The following REEP1 variants were observed in gnomAD, a reference collection of about 807,000 sequenced individuals.
REEP1 encodes receptor expression-enhancing protein 1.
A neutral mutation model predicts 40.3 loss-of-function variants in REEP1; 22 were observed. That is an observed-to-expected ratio of 0.55 (90% CI 0.39 to 0.78). The LOEUF (loss-of-function observed/expected upper bound fraction) is 0.78. Among genes scored for constraint, REEP1 ranks in the 30% least tolerant of loss-of-function variants. REEP1 has a pLI of 0.00. For synonymous variants in REEP1, 116 were observed against 139.2 expected, an observed-to-expected ratio of 0.83 and a Z score of 1.17; for missense variants, 280 against 361.1, an observed-to-expected ratio of 0.78 and a Z score of 1.82.
chr2:86,330,507 T>C (rs767278920), intron 1 of REEP1, among the ~76,000 whole-genome samples: 1 of 150,526 alleles, frequency 6.6e-6, no homozygotes, highest in Non-Finnish European at 1.5e-5. Flanking sequence ...TGCAGTGGCA[T>C]GATCTCGGCT....
intron 5 of REEP1, among the ~76,000 whole-genome samples, chr2:86,242,705 G>A (rs1675727876): frequency 1.3e-5 from 2 of 152,198 alleles, no homozygotes; most frequent in Non-Finnish European, 2.9e-5. Flanking sequence ...AGAGAGGTAA[G>A]GAGAGACAAG....
intron 1 of REEP1, among the ~76,000 whole-genome samples, chr2:86,308,203 A>G (rs913821410): frequency 6.6e-6 from 1 of 152,240 alleles, no homozygotes; most frequent in African/African-American, 2.4e-5. Flanking sequence ...TAGATGCAAG[A>G]TCCAAAGGCA....
chr2:86,243,758 G>A (rs1318058481), intron 5 of REEP1, among the ~76,000 whole-genome samples: 5 of 152,122 alleles, frequency 3.3e-5, no homozygotes, highest in South Asian at 2.1e-4. Context: ...AGATAATCTT[G>A]GTGTTTAAAA....
chr2:86,278,429 A>G (rs147268995), intron 2 of REEP1, among the ~76,000 whole-genome samples: 1 of 152,192 alleles, frequency 6.6e-6, no homozygotes, highest in African/African-American at 2.4e-5. Flanking sequence ...CTGGGCCTGG[A>G]GCTGGACTCA....
chr2:86,263,988 T>C lies in REEP1; in HGVS notation c.159A>G (p.Thr53=), dbSNP rs1468108211. 6.2e-7 allele frequency: 1 copy of C among 1,613,534 alleles called. No individual in the cohort carries two copies. The highest frequency in any genetic ancestry group is 1.1e-5 in the South Asian group (1 of 91,050). The part of the protein sequence containing the change: ...IIFALFTTAE[T]FTDIFLCWFP... ...ACCAACAAAGGAAGATGTCTGTGAATGTCTCTGCTGTGGTGAAAAGTGCAA... is the reference window on the plus strand; with the variant it reads ...ACCAACAAAGGAAGATGTCTGTGAACGTCTCTGCTGTGGTGAAAAGTGCAA... Residue 53 remains threonine, a synonymous_variant, in exon 3 of 9, where the codon ACA becomes ACG. Coordinates refer to ENST00000538924, the MANE Select transcript of REEP1 (RefSeq NM_001371279.1).
intron 5 of REEP1, among the ~76,000 whole-genome samples, chr2:86,238,327 T>C (rs1465889297): frequency 6.6e-6 from 1 of 152,258 alleles, no homozygotes; most frequent in Non-Finnish European, 1.5e-5. Context: ...CAATGAAATA[T>C]GGTTGCACTT....
At chr2:86,280,022 T>C in intron 2 of REEP1, 1 of 456,230 alleles carries the variant, frequency 2.2e-6, no homozygotes, top group Non-Finnish European at 4.4e-6. Context: ...ACGACAGACC[T>C]GGTTTGGAAG....
At chr2:86,261,991 T>C (rs1348221751) in intron 3 of REEP1, among the ~76,000 whole-genome samples, 6 of 152,212 alleles carry the variant, frequency 3.9e-5, no homozygotes, top group Admixed American at 6.5e-5. Flanking sequence ...TTGTCTATGA[T>C]GCAAAGACCT....
chr2:86,239,437 A>T (rs1675550484), intron 5 of REEP1, among the ~76,000 whole-genome samples: 2 of 152,144 alleles, frequency 1.3e-5, no homozygotes, highest in African/African-American at 4.8e-5. Context: ...GCTACTGAGG[A>T]CAACAACAAT....
chr2:86,256,619 G>T (rs1558893231), intron 3 of REEP1, among the ~76,000 whole-genome samples: 1 of 152,048 alleles, frequency 6.6e-6, no homozygotes, highest in Non-Finnish European at 1.5e-5. Context: ...CATGTTAAAG[G>T]CCCTCACCCC....
chr2:86,287,205 G>T (rs968733905), intron 1 of REEP1, among the ~76,000 whole-genome samples: 2 of 151,892 alleles, frequency 1.3e-5, no homozygotes, highest in African/African-American at 4.8e-5. Flanking sequence ...TCTCCTGCTC[G>T]GCCTCCTGAG....
At chr2:86,218,113 A>G (rs1025433208) in intron 8 of REEP1, among the ~76,000 whole-genome samples, 1 of 151,998 alleles carries the variant, frequency 6.6e-6, no homozygotes, top group Non-Finnish European at 1.5e-5. Context: ...TCTGTCTTGC[A>G]TATTTCTAGG....
chr2:86,311,331 AGGTAGT>A (rs889369875), intron 1 of REEP1, among the ~76,000 whole-genome samples: 1 of 152,194 alleles, frequency 6.6e-6, no homozygotes, highest in Non-Finnish European at 1.5e-5. Context: ...GGGTTTTTAA[AGGTAGT>A]GGACACTGCA....
At chr2:86,306,792 C>A (rs1679499133) in intron 1 of REEP1, among the ~76,000 whole-genome samples, 1 of 152,090 alleles carries the variant, frequency 6.6e-6, no homozygotes, top group Non-Finnish European at 1.5e-5. Context: ...CACTGCTGGT[C>A]CCCATGGTAG....
At chr2:86,254,965 G>A in intron 3 of REEP1, 151 bp from the exon 4 acceptor site, 1 of 767,390 alleles carries the variant, frequency 1.3e-6, no homozygotes, top group East Asian at 2.5e-5. Context: ...CTATGAAGGT[G>A]AGGGCACACA....
intron 5 of REEP1, chr2:86,251,682 G>A (rs983845610): frequency 3.2e-5 from 16 of 499,808 alleles, no homozygotes; most frequent in Admixed American, 2.3e-4. Flanking sequence ...AGTGGGGTTG[G>A]ATAAGTTAGA....
chr2:86,227,351 C>T lies in REEP1; in HGVS notation c.631+12G>A, dbSNP rs1264732810. The T allele has an allele frequency of 1.6e-6, 2 of 1,232,178 alleles. No homozygotes were observed. The highest frequency in any genetic ancestry group is 2.0e-6 in the Non-Finnish European group (2 of 988,096). The allele number at this position is 1,232,178 out of a possible 1,614,324, so 76.3% of individuals were successfully genotyped here. A position where few individuals can be genotyped will look rare whatever the true frequency, so the allele number is the denominator to read the frequency against. ...GTCCAGCACGCTGCGGAGAGGCTGGCTGCTTACTCACCTTTCCAGGTCCTG... is the reference window on the plus strand; with the variant it reads ...GTCCAGCACGCTGCGGAGAGGCTGGTTGCTTACTCACCTTTCCAGGTCCTG... On this transcript the variant is annotated intron_variant, in intron 7 of 8. Transcript: ENST00000538924.
chr2:86,319,438 C>A (rs7564236), intron 1 of REEP1, among the ~76,000 whole-genome samples: 1 of 109,366 alleles, frequency 9.1e-6, no homozygotes, highest in South Asian at 3.0e-4. Flanking sequence ...AGGGTCTTGG[C>A]GGGGCAGAGT....
intron 1 of REEP1, among the ~76,000 whole-genome samples, chr2:86,305,959 C>T (rs934794533): frequency 1.3e-5 from 2 of 152,092 alleles, no homozygotes; most frequent in Admixed American, 1.3e-4. Context: ...TTGGCTATTA[C>T]GAAAAAGGCT....
Sources: gnomAD v4.1 joint callset for allele counts (sites outside exome capture counted in the v4.1 genomes callset) on GRCh38, gnomAD v4.1.1 for gene constraint, MANE v1.5 for transcripts, NCBI Gene and HGNC (gene_info 2026-07-23, HGNC 2026-07-21) for gene names.